CACNB2: variants seen among roughly 807,000 people sequenced by gnomAD.
CACNB2 encodes voltage-dependent L-type calcium channel subunit beta-2.
CACNB2 carries 42 observed loss-of-function variants against 73.3 expected under a neutral mutation model. The observed-to-expected ratio is 0.57, with a 90% CI of 0.45 to 0.74. CACNB2 has a LOEUF of 0.74. Among genes scored for constraint, CACNB2 ranks in the 30% least tolerant of loss-of-function variants. The pLI is 0.00. For synonymous variants in CACNB2, 348 were observed against 310.3 expected, an observed-to-expected ratio of 1.12 and a Z score of -1.28; for missense variants, 940 against 853.0, an observed-to-expected ratio of 1.10 and a Z score of -1.27.
intron 2 of CACNB2, among the ~76,000 whole-genome samples, chr10:18,167,758 T>C (rs1564311223): frequency 6.6e-6 from 1 of 152,188 alleles, no homozygotes; most frequent in Non-Finnish European, 1.5e-5. Flanking sequence ...AGCTTGCTCA[T>C]AATCTCTATC....
At chr10:18,360,763 G>C (rs1333651230) in intron 2 of CACNB2, among the ~76,000 whole-genome samples, 2 of 152,158 alleles carry the variant, frequency 1.3e-5, no homozygotes, top group African/African-American at 4.8e-5. Context: ...ATATTCCCCT[G>C]CATCTGGGGT....
At chr10:18,414,772 C>CT (rs551133994) in intron 3 of CACNB2, among the ~76,000 whole-genome samples, 42,501 of 147,768 alleles carry the variant, frequency 0.29, 6,342 homozygotes, top group Middle Eastern at 0.42. Flanking sequence ...GCAGTTCAAG[C>CT]TTTTTTTTTT....
At chr10:18,512,450 T>A (rs2133111376) in intron 6 of CACNB2, among the ~76,000 whole-genome samples, 1 of 145,348 alleles carries the variant, frequency 6.9e-6, no homozygotes, top group East Asian at 2.1e-4. Flanking sequence ...GGATTGAGAA[T>A]TTTCCATTCT....
At chr10:18,503,447 C>T (rs557683691) in intron 5 of CACNB2, among the ~76,000 whole-genome samples, 25 of 152,194 alleles carry the variant, frequency 1.6e-4, no homozygotes, top group Non-Finnish European at 3.4e-4. Flanking sequence ...AAGTATGAAA[C>T]TAGCTGGGTG....
chr10:18,307,202 G>A (rs754541439), intron 2 of CACNB2, among the ~76,000 whole-genome samples: 16 of 152,132 alleles, frequency 1.1e-4, no homozygotes, highest in Non-Finnish European at 1.8e-4. Flanking sequence ...CGTGGCTCCC[G>A]CTTGTAATTC....
In CACNB2 at chr10:18,507,543, T is replaced by A. The variant is rs1244019127; in HGVS notation, c.670+996T>A. 2.0e-5 allele frequency among the ~76,000 whole-genome samples: 3 copies of A among 152,238 alleles called. No individual in the cohort carries two copies. The East Asian group carries it at 5.8e-4, about 29-fold the overall frequency. ...CTAAAACATTGTTTTAAATTCAAAT[T>A]TAACTGCATTTATATTTGCTAAATC... is the stretch of plus-strand genomic sequence containing the variant. On this transcript the variant is annotated intron_variant, in intron 6 of 13. Transcript: ENST00000324631.
chr10:18,451,600 G>A (rs75117968), intron 3 of CACNB2, among the ~76,000 whole-genome samples: 4,461 of 152,240 alleles, frequency 0.029, 80 homozygotes, highest in East Asian at 0.091. Flanking sequence ...TTCCCCTGCA[G>A]AGGATGTTTG....
chr10:18,161,714 A>G (rs76743864), intron 2 of CACNB2, among the ~76,000 whole-genome samples: 6,350 of 151,902 alleles, frequency 0.042, 437 homozygotes, highest in African/African-American at 0.15. Flanking sequence ...ACCTGTGGTC[A>G]GTAATTCAAG....
At chr10:18,405,951 A>AAAAC (rs74599200) in intron 3 of CACNB2, among the ~76,000 whole-genome samples, 39,975 of 151,174 alleles carry the variant, frequency 0.26, 5,767 homozygotes, top group East Asian at 0.62. Flanking sequence ...GACTCTGTCA[A>AAAAC]AAACAAACAA....
chr10:18,337,280 C>G (rs754686017), intron 2 of CACNB2, among the ~76,000 whole-genome samples: 2 of 152,036 alleles, frequency 1.3e-5, no homozygotes, highest in African/African-American at 4.8e-5. Flanking sequence ...CGGACATGCA[C>G]CACTATGCCT....
intron 2 of CACNB2, among the ~76,000 whole-genome samples, chr10:18,298,170 A>G (rs1197162414): frequency 6.6e-6 from 1 of 152,130 alleles, no homozygotes; most frequent in African/African-American, 2.4e-5. Context: ...GGAGTTCAAG[A>G]CCAGCCTGGC....
At chr10:18,282,624 A>G (rs2038602754) in intron 2 of CACNB2, among the ~76,000 whole-genome samples, 1 of 152,228 alleles carries the variant, frequency 6.6e-6, no homozygotes, top group South Asian at 2.1e-4. Flanking sequence ...TCTGGCAAAT[A>G]TGAGTATTCA....
At chr10:18,248,338 T>C (rs56074042) in intron 2 of CACNB2, among the ~76,000 whole-genome samples, 23,757 of 152,230 alleles carry the variant, frequency 0.16, 1,964 homozygotes, top group African/African-American at 0.18. Flanking sequence ...AGTGTCTGAT[T>C]CATAAGTAAG....
In CACNB2 at chr10:18,339,488, T is replaced by C. The variant is rs182427406; in HGVS notation, c.214-62436T>C. ...GTGAGCCGAGATCGCGCCACTGCAC[T>C]ACAGCCCGGGCAACACAGCAAGACT... On this transcript the variant is annotated intron_variant, in intron 2 of 13. Transcript: ENST00000324631. 2.8e-4 allele frequency among the ~76,000 whole-genome samples: 42 copies of C among 152,256 alleles called. No individual in the cohort carries two copies. The East Asian group carries it at 7.7e-3, about 28-fold the overall frequency.
At chr10:18,352,251 C>G (rs992321185) in intron 2 of CACNB2, among the ~76,000 whole-genome samples, 1 of 152,220 alleles carries the variant, frequency 6.6e-6, no homozygotes, top group Admixed American at 6.5e-5. Context: ...TTCCACGCAT[C>G]ACGTCCCATG....
intron 9 of CACNB2, among the ~76,000 whole-genome samples, chr10:18,521,990 G>A (rs1437837374): frequency 6.6e-6 from 1 of 152,138 alleles, no homozygotes; most frequent in Admixed American, 6.5e-5. Context: ...AGCTTCATCT[G>A]TATTTACAGT....
intron 9 of CACNB2, 116 bp from the exon 10 acceptor site, chr10:18,527,472 T>C (rs1484651861): frequency 6.8e-6 from 5 of 740,030 alleles, no homozygotes; most frequent in Non-Finnish European, 1.2e-5. Flanking sequence ...CACATATGGT[T>C]TGAAAATATG....
intron 3 of CACNB2, among the ~76,000 whole-genome samples, chr10:18,426,828 A>C (rs184367039): frequency 6.6e-6 from 1 of 151,944 alleles, no homozygotes; most frequent in Admixed American, 6.6e-5. Context: ...AAAAGCATGT[A>C]TTTGATTTGG....
intron 9 of CACNB2, among the ~76,000 whole-genome samples, chr10:18,520,788 A>G (rs964388783): frequency 6.6e-6 from 1 of 152,196 alleles, no homozygotes; most frequent in Non-Finnish European, 1.5e-5. Context: ...GGCACTTTGC[A>G]GTTCCTTCTG....
Sources: allele counts gnomAD v4.1 joint callset (sites outside exome capture counted in the v4.1 genomes callset), GRCh38; gene constraint gnomAD v4.1.1; transcripts MANE v1.5; gene names NCBI Gene and HGNC (gene_info 2026-07-23, HGNC 2026-07-21).